FBXL7: variants seen among roughly 807,000 people sequenced by gnomAD.
FBXL7 encodes the protein F-box and leucine rich repeat protein 7, also known as F-box/LRR-repeat protein 7.
FBXL7 carries 12 observed loss-of-function variants against 38.3 expected under a neutral mutation model. The observed-to-expected ratio is 0.31, with a 90% CI of 0.20 to 0.51. The LOEUF (loss-of-function observed/expected upper bound fraction) is 0.51, where lower values mean the gene tolerates loss of function less well. Ranked by LOEUF, FBXL7 falls within the 20% of genes least tolerant of loss-of-function variation. The pLI is 0.98. For synonymous variants in FBXL7, 297 were observed against 300.9 expected, an observed-to-expected ratio of 0.99 and a Z score of 0.13; for missense variants, 567 against 676.4, an observed-to-expected ratio of 0.84 and a Z score of 1.79.
rs1384421911 is a variant in FBXL7 at position 15,696,348 on chromosome 5, T to C, written c.127+80276T>C. The stretch of plus-strand genomic sequence containing the variant: ...CATCTTCTCACCCTCATATTACACC[T>C]TGGCTTCAGGGAAAGGGAGAGGATT... On this transcript the variant is annotated intron_variant, in intron 2 of 3. Transcript: ENST00000504595. Among the ~76,000 whole-genome samples the C allele has an allele frequency of 4.6e-5, 7 of 152,320 alleles. No individual in the cohort carries two copies. In the East Asian group the frequency reaches 1.4e-3, roughly 29 times the overall value.
At position 15,720,809 on chromosome 5, in the gene FBXL7, T is replaced by C. The variant is rs1199282885; in HGVS notation, c.127+104737T>C. 5.1e-5 allele frequency among the ~76,000 whole-genome samples: 5 copies of C among 98,024 alleles called. 1 individual carries two copies. In the South Asian group the frequency reaches 1.5e-3, roughly 29 times the overall value. 64.3% of individuals were successfully genotyped at this position (98,024 alleles called of 152,430 possible). On this transcript the variant is annotated intron_variant, in intron 2 of 3. Transcript: ENST00000504595. ...GATAAATATTATCATTATTAGAGTA[T>C]AATATTATTATTATATTGTATAAGA...
chr5:15,760,910 T>A (rs1736422959), intron 2 of FBXL7, among the ~76,000 whole-genome samples: 1 of 151,394 alleles, frequency 6.6e-6, no homozygotes, highest in Admixed American at 6.6e-5. Context: ...AAACCTGTAA[T>A]AGGCTAACAA....
chr5:15,895,710 C>G (rs1052302129), intron 2 of FBXL7, among the ~76,000 whole-genome samples: 1 of 133,150 alleles, frequency 7.5e-6, no homozygotes, highest in African/African-American at 2.8e-5. Flanking sequence ...GTGGCGCAAA[C>G]TCGGCTCACT....
At chr5:15,520,959 TG>T (rs1423942281) in intron 1 of FBXL7, among the ~76,000 whole-genome samples, 5 of 152,252 alleles carry the variant, frequency 3.3e-5, no homozygotes, top group African/African-American at 4.8e-5. Flanking sequence ...ACTCTTGTTC[TG>T]GGGACTAACA....
At chr5:15,776,098 T>C (rs912556129) in intron 2 of FBXL7, among the ~76,000 whole-genome samples, 1 of 152,072 alleles carries the variant, frequency 6.6e-6, no homozygotes. Context: ...ATAATAATAA[T>C]ATAACTAGGC....
chr5:15,914,801 T>C (rs1251507586), intron 2 of FBXL7, among the ~76,000 whole-genome samples: 1 of 152,132 alleles, frequency 6.6e-6, no homozygotes, highest in Non-Finnish European at 1.5e-5. Flanking sequence ...TTGAGCAGCT[T>C]CTGGGTGGCT....
At chr5:15,736,488 T>G (rs1017947946) in intron 2 of FBXL7, among the ~76,000 whole-genome samples, 29 of 152,316 alleles carry the variant, frequency 1.9e-4, no homozygotes, top group African/African-American at 6.7e-4. Context: ...AGTTTCAAAT[T>G]AAAATAACAA....
At chr5:15,550,142 G>A (rs962329459) in intron 1 of FBXL7, among the ~76,000 whole-genome samples, 2 of 152,204 alleles carry the variant, frequency 1.3e-5, no homozygotes, top group African/African-American at 4.8e-5. Context: ...CCACCTCTCA[G>A]GGGTGCACTA....
intron 2 of FBXL7, among the ~76,000 whole-genome samples, chr5:15,708,298 A>C (rs1324148051): frequency 2.0e-5 from 3 of 152,206 alleles, no homozygotes; most frequent in Non-Finnish European, 2.9e-5. Flanking sequence ...TAGATAGGGA[A>C]AGGAATTGGG....
At chr5:15,829,786 A>T (rs983305776) in intron 2 of FBXL7, among the ~76,000 whole-genome samples, 4 of 152,232 alleles carry the variant, frequency 2.6e-5, no homozygotes, top group Admixed American at 2.6e-4. Flanking sequence ...GAAAAGTTGA[A>T]CATCAAGATT....
At chr5:15,888,895 CA>C (rs550095100) in intron 2 of FBXL7, among the ~76,000 whole-genome samples, 1 of 151,572 alleles carries the variant, frequency 6.6e-6, no homozygotes, top group Admixed American at 6.6e-5. Context: ...TTAGAAGAAC[CA>C]AAAAAAATCT....
chr5:15,816,742 G>A (rs1738025704), intron 2 of FBXL7, among the ~76,000 whole-genome samples: 1 of 152,084 alleles, frequency 6.6e-6, no homozygotes, highest in Admixed American at 6.6e-5. Context: ...CAAATAAAAA[G>A]TATTTAACCT....
chr5:15,874,626 GACAA>G (rs1319128068), intron 2 of FBXL7, among the ~76,000 whole-genome samples: 16 of 151,896 alleles, frequency 1.1e-4, no homozygotes, highest in African/African-American at 3.9e-4. Context: ...ACCAATAATA[GACAA>G]ACAGCCAAAT....
At chr5:15,778,168 A>T (rs186925748) in intron 2 of FBXL7, among the ~76,000 whole-genome samples, 1 of 152,086 alleles carries the variant, frequency 6.6e-6, no homozygotes, top group African/African-American at 2.4e-5. Context: ...GAAAATGTAT[A>T]CTTTCTCTAT....
chr5:15,701,517 A>G (rs1743522580), intron 2 of FBXL7, among the ~76,000 whole-genome samples: 2 of 152,180 alleles, frequency 1.3e-5, no homozygotes, highest in Admixed American at 6.5e-5. Flanking sequence ...GTACTATTTA[A>G]TTAATTAATA....
chr5:15,691,111 G>T lies in FBXL7; in HGVS notation c.127+75039G>T, dbSNP rs146882079. ...TATCTGTTGGTGTCACCCTTTTCCT[G>T]CCACCTGGCCCCCAGGATGATAACC... On this transcript the variant is annotated intron_variant, in intron 2 of 3. Transcript: ENST00000504595. Among the ~76,000 whole-genome samples, 251 of 152,132 alleles carry T rather than the reference G, an allele frequency of 1.6e-3. 3 individuals are homozygous for T. The East Asian group carries it at 0.033, about 20-fold the overall frequency.
intron 2 of FBXL7, among the ~76,000 whole-genome samples, chr5:15,798,064 A>T (rs969908635): frequency 7.9e-5 from 12 of 152,186 alleles, no homozygotes; most frequent in African/African-American, 2.4e-4. Flanking sequence ...GAGAGGGAGG[A>T]ATAACACAAA....
At chr5:15,572,881 G>A (rs756940309) in intron 1 of FBXL7, among the ~76,000 whole-genome samples, 1 of 152,138 alleles carries the variant, frequency 6.6e-6, no homozygotes, top group Non-Finnish European at 1.5e-5. Context: ...CTTTGTGACT[G>A]CTTTTCCACA....
intron 2 of FBXL7, among the ~76,000 whole-genome samples, chr5:15,892,345 T>C (rs1740937428): frequency 6.6e-6 from 1 of 152,144 alleles, no homozygotes; most frequent in South Asian, 2.1e-4. Flanking sequence ...CTACAAAGAC[T>C]GTGGCTCTTA....
Sources: allele counts gnomAD v4.1 joint callset (sites outside exome capture counted in the v4.1 genomes callset), GRCh38; gene constraint gnomAD v4.1.1; transcripts MANE v1.5; gene names NCBI Gene and HGNC (gene_info 2026-07-23, HGNC 2026-07-21).